RAP1GDS1: variants seen among roughly 807,000 people sequenced by gnomAD.
The protein encoded by RAP1GDS1 is Rap1 GTPase-GDP dissociation stimulator 1, also known as RAP1, GTP-GDP dissociation stimulator 1.
RAP1GDS1 carries 35 observed loss-of-function variants against 71.1 expected under a neutral mutation model. The observed-to-expected ratio is 0.49, with a 90% CI of 0.38 to 0.65. The LOEUF (loss-of-function observed/expected upper bound fraction) is 0.65. RAP1GDS1 is among the 30% of genes least tolerant of loss of function. The pLI is 0.00. For synonymous variants in RAP1GDS1, 229 were observed against 243.1 expected, an observed-to-expected ratio of 0.94 and a Z score of 0.54; for missense variants, 663 against 706.1, an observed-to-expected ratio of 0.94 and a Z score of 0.69.
chr4:98,283,224 G>T (rs1046300279), intron 1 of RAP1GDS1, among the ~76,000 whole-genome samples: 9 of 152,144 alleles, frequency 5.9e-5, no homozygotes, highest in African/African-American at 2.2e-4. Context: ...TAAAAATGTT[G>T]ATTTGTTTTT....
At position 98,328,562 on chromosome 4, in the gene RAP1GDS1, C is replaced by T. The variant is rs57678573; in HGVS notation, c.113-14577C>T. ...TAAAGCTTTAGGAAAATTTAGGATTCGTTCTAGTCTACAGGTAGATAAGAA... is the reference window on the plus strand; with the variant it reads ...TAAAGCTTTAGGAAAATTTAGGATTTGTTCTAGTCTACAGGTAGATAAGAA... On this transcript the variant is annotated intron_variant, in intron 2 of 14. Transcript: ENST00000408927. Among the ~76,000 whole-genome samples the T allele has an allele frequency of 3.8e-3, 579 of 152,212 alleles. 6 individuals are homozygous for T. The highest frequency in any genetic ancestry group is 0.013 in the African/African-American group (552 of 41,506).
rs745577900 is a variant in RAP1GDS1, at chr4:98,318,132, C to T, written c.112+24617C>T. Reference sequence around the variant, plus strand: ...TGTTGGGATTACAGGCGTGAGCCACCGCGTCCAGTGATATCTGACTATATT... The same window carrying T: ...TGTTGGGATTACAGGCGTGAGCCACTGCGTCCAGTGATATCTGACTATATT... On this transcript the variant is annotated intron_variant, in intron 2 of 14. Transcript: ENST00000408927. Among the ~76,000 whole-genome samples, 6 of 152,070 alleles carry T rather than the reference C, an allele frequency of 3.9e-5. No homozygotes were observed. In the South Asian group the frequency reaches 6.2e-4, roughly 16 times the overall value.
chr4:98,394,026 T>C (rs1234485590), intron 6 of RAP1GDS1, among the ~76,000 whole-genome samples: 4 of 152,250 alleles, frequency 2.6e-5, no homozygotes, highest in African/African-American at 9.6e-5. Flanking sequence ...GCCCTCCCTT[T>C]TGAAGTTTTA....
At chr4:98,359,847 T>C (rs1301953801) in intron 4 of RAP1GDS1, among the ~76,000 whole-genome samples, 1 of 152,076 alleles carries the variant, frequency 6.6e-6, no homozygotes, top group Non-Finnish European at 1.5e-5. Context: ...AGGCCGGGTG[T>C]GGTGTGGTAA....
chr4:98,406,888 A>T (rs1411719961), intron 7 of RAP1GDS1, among the ~76,000 whole-genome samples: 2 of 152,122 alleles, frequency 1.3e-5, no homozygotes, highest in Non-Finnish European at 2.9e-5. Context: ...AGTACCTCAG[A>T]GGTCAAAAAA....
chr4:98,349,536 G>A (rs1192362033), intron 3 of RAP1GDS1, among the ~76,000 whole-genome samples: 8 of 152,302 alleles, frequency 5.3e-5, no homozygotes, highest in Middle Eastern at 6.8e-3. Context: ...GGATGGCATT[G>A]AATCTATAAA....
At chr4:98,341,560 C>G (rs1031198821) in intron 2 of RAP1GDS1, among the ~76,000 whole-genome samples, 2 of 152,206 alleles carry the variant, frequency 1.3e-5, no homozygotes, top group Non-Finnish European at 2.9e-5. Context: ...ATGCCAGACT[C>G]TTGCTGTCAT....
chr4:98,359,905 C>G (rs540739560), intron 4 of RAP1GDS1, among the ~76,000 whole-genome samples: 4 of 152,266 alleles, frequency 2.6e-5, no homozygotes, highest in Non-Finnish European at 5.9e-5. Flanking sequence ...AAGTGAGAGA[C>G]AGTACTCAGA....
chr4:98,438,361 A>T (rs948321121), intron 14 of RAP1GDS1, among the ~76,000 whole-genome samples: 6 of 151,612 alleles, frequency 4.0e-5, no homozygotes, highest in African/African-American at 1.2e-4. Context: ...CTGTATTTGA[A>T]GTGAGTTTCC....
At chr4:98,288,137 C>T (rs889159089) in intron 1 of RAP1GDS1, among the ~76,000 whole-genome samples, 2 of 152,006 alleles carry the variant, frequency 1.3e-5, no homozygotes, top group African/African-American at 4.8e-5. Flanking sequence ...CCCATTAACT[C>T]GTCATTTAAC....
intron 2 of RAP1GDS1, among the ~76,000 whole-genome samples, chr4:98,309,841 G>A (rs1442976516): frequency 6.6e-6 from 1 of 151,666 alleles, no homozygotes; most frequent in Non-Finnish European, 1.5e-5. Context: ...CATGTTTTTA[G>A]TAAGGTAGGG....
At chr4:98,427,610 A>G (rs770704806) in intron 12 of RAP1GDS1, among the ~76,000 whole-genome samples, 2 of 152,186 alleles carry the variant, frequency 1.3e-5, no homozygotes, top group African/African-American at 2.4e-5. Flanking sequence ...CCCTTTTACA[A>G]TAGCTGCAAA....
At chr4:98,406,285 ATAAC>A (rs1280511025) in intron 7 of RAP1GDS1, among the ~76,000 whole-genome samples, 1 of 152,156 alleles carries the variant, frequency 6.6e-6, no homozygotes, top group East Asian at 1.9e-4. Flanking sequence ...TTTAAAATAA[ATAAC>A]TATACTACTT....
chr4:98,411,257 A>G (rs1014814779), intron 7 of RAP1GDS1, among the ~76,000 whole-genome samples: 2 of 152,194 alleles, frequency 1.3e-5, no homozygotes, highest in African/African-American at 2.4e-5. Flanking sequence ...AGCCTCCTAT[A>G]TATTTGTTTT....
intron 2 of RAP1GDS1, among the ~76,000 whole-genome samples, chr4:98,327,654 C>T (rs1231413285): frequency 2.6e-5 from 4 of 152,144 alleles, no homozygotes; most frequent in Non-Finnish European, 5.9e-5. Flanking sequence ...TCTCTGAAGG[C>T]ATTGATGATC....
At chr4:98,367,693 C>T (rs2110458624) in intron 4 of RAP1GDS1, among the ~76,000 whole-genome samples, 1 of 152,326 alleles carries the variant, frequency 6.6e-6, no homozygotes, top group South Asian at 2.1e-4. Flanking sequence ...CAAAAGAGAT[C>T]ATTTTGAAGC....
At chr4:98,397,456 G>C (rs937189104) in intron 6 of RAP1GDS1, among the ~76,000 whole-genome samples, 1 of 151,958 alleles carries the variant, frequency 6.6e-6, no homozygotes, top group Non-Finnish European at 1.5e-5. Context: ...AACATAGTGA[G>C]ACCTCCCCCC....
chr4:98,272,416 A>G (rs949729617), intron 1 of RAP1GDS1, among the ~76,000 whole-genome samples: 1 of 152,126 alleles, frequency 6.6e-6, no homozygotes, highest in African/African-American at 2.4e-5. Flanking sequence ...AGATGCTTGA[A>G]GAAGTGGTAG....
intron 4 of RAP1GDS1, among the ~76,000 whole-genome samples, chr4:98,353,412 G>A (rs977918271): frequency 3.3e-5 from 5 of 152,078 alleles, no homozygotes; most frequent in African/African-American, 1.2e-4. Context: ...ACTCGGATGA[G>A]TTATATTTTG....
Sources: allele counts gnomAD v4.1 joint callset (sites outside exome capture counted in the v4.1 genomes callset), GRCh38; gene constraint gnomAD v4.1.1; transcripts MANE v1.5; gene names NCBI Gene and HGNC (gene_info 2026-07-23, HGNC 2026-07-21).